CAMKMT: variants seen among roughly 807,000 people sequenced by gnomAD.
CAMKMT encodes the protein CaM KMT.
A neutral mutation model predicts 48.0 loss-of-function variants in CAMKMT; 53 were observed. That is an observed-to-expected ratio of 1.10 (90% CI 0.89 to 1.39). The LOEUF is 1.39. Among genes scored for constraint, CAMKMT ranks in the 40% most tolerant of loss-of-function variants. The probability of loss-of-function intolerance (pLI) is 0.00; values close to 1 mark genes in which losing one functional copy is unlikely to be tolerated. For synonymous variants in CAMKMT, 165 were observed against 152.3 expected (o/e 1.08, Z -0.61); for missense variants, 428 against 402.7 (o/e 1.06, Z -0.54).
chr2:44,459,520 C>T (rs1267600173), intron 3 of CAMKMT, among the ~76,000 whole-genome samples: 1 of 152,128 alleles, frequency 6.6e-6, no homozygotes, highest in Non-Finnish European at 1.5e-5. Flanking sequence ...GGTATTTAAG[C>T]AGCAAAGATG....
At chr2:44,492,444 CT>C (rs1266299394) in intron 3 of CAMKMT, among the ~76,000 whole-genome samples, 1 of 151,902 alleles carries the variant, frequency 6.6e-6, no homozygotes, top group Non-Finnish European at 1.5e-5. Context: ...CTCAAATACT[CT>C]TATTTCCAGG....
chr2:44,753,378 T>G (rs1680234542), intron 8 of CAMKMT, among the ~76,000 whole-genome samples: 1 of 139,476 alleles, frequency 7.2e-6, no homozygotes, highest in African/African-American at 2.7e-5. Flanking sequence ...AGTAACTGGA[T>G]GACAGTGCAA....
chr2:44,690,884 G>A (rs1224986940), intron 3 of CAMKMT, among the ~76,000 whole-genome samples: 1 of 151,970 alleles, frequency 6.6e-6, no homozygotes, highest in Non-Finnish European at 1.5e-5. Context: ...GCTGGGGCAC[G>A]AGAATCACTT....
chr2:44,439,221 GAC>G (rs1198975961), intron 3 of CAMKMT, among the ~76,000 whole-genome samples: 1 of 151,990 alleles, frequency 6.6e-6, no homozygotes, highest in Non-Finnish European at 1.5e-5. Context: ...CTCTCATTGG[GAC>G]ACAGTTTATT....
At chr2:44,668,367 C>T (rs1675127184) in intron 3 of CAMKMT, among the ~76,000 whole-genome samples, 1 of 152,198 alleles carries the variant, frequency 6.6e-6, no homozygotes, top group African/African-American at 2.4e-5. Flanking sequence ...CTCTCCTCGC[C>T]AGCTTAAGTA....
At chr2:44,382,968 T>C (rs1187605163) in intron 2 of CAMKMT, among the ~76,000 whole-genome samples, 1 of 152,162 alleles carries the variant, frequency 6.6e-6, no homozygotes, top group African/African-American at 2.4e-5. Context: ...TTTAGTTTCT[T>C]GCAGCTCTGG....
intron 3 of CAMKMT, among the ~76,000 whole-genome samples, chr2:44,648,369 C>T (rs1346367020): frequency 6.6e-6 from 1 of 151,864 alleles, no homozygotes; most frequent in Admixed American, 6.6e-5. Flanking sequence ...CCAATAAATG[C>T]ATGATTATTT....
intron 3 of CAMKMT, among the ~76,000 whole-genome samples, chr2:44,620,777 T>TTTAAA (rs1672140590): frequency 6.6e-6 from 1 of 152,346 alleles, no homozygotes; most frequent in South Asian, 2.1e-4. Context: ...AAAGTTAATG[T>TTTAAA]TTAATACCAT....
chr2:44,489,548 A>T (rs1438100772), intron 3 of CAMKMT, among the ~76,000 whole-genome samples: 1 of 152,096 alleles, frequency 6.6e-6, no homozygotes, highest in East Asian at 1.9e-4. Context: ...GCCTGGCCGG[A>T]ATACTTTTTA....
At chr2:44,415,580 C>G (rs539430426) in intron 3 of CAMKMT, among the ~76,000 whole-genome samples, 37 of 152,244 alleles carry the variant, frequency 2.4e-4, no homozygotes, top group Admixed American at 1.8e-3. Context: ...CTTTGCATTA[C>G]TTGTATAAAT....
intron 3 of CAMKMT, among the ~76,000 whole-genome samples, chr2:44,575,507 G>A (rs1406670383): frequency 6.6e-6 from 1 of 151,710 alleles, no homozygotes; most frequent in Non-Finnish European, 1.5e-5. Flanking sequence ...CTTTTTTTCT[G>A]TATGGCTTTA....
intron 3 of CAMKMT, among the ~76,000 whole-genome samples, chr2:44,464,629 T>C (rs887908783): frequency 6.6e-6 from 1 of 152,140 alleles, no homozygotes; most frequent in Non-Finnish European, 1.5e-5. Context: ...AAGTTATCAG[T>C]GGATTTCTAT....
intron 3 of CAMKMT, among the ~76,000 whole-genome samples, chr2:44,593,814 A>G (rs1572878771): frequency 7.7e-6 from 1 of 129,188 alleles, no homozygotes; most frequent in Non-Finnish European, 1.6e-5. Flanking sequence ...CCCAGGCTGG[A>G]GTGCAATGGC....
intron 3 of CAMKMT, among the ~76,000 whole-genome samples, chr2:44,440,949 C>T (rs1044536171): frequency 2.0e-5 from 3 of 152,102 alleles, no homozygotes; most frequent in African/African-American, 7.2e-5. Flanking sequence ...CTTAAAATGG[C>T]CTGTTTGGAA....
intron 3 of CAMKMT, among the ~76,000 whole-genome samples, chr2:44,643,379 G>T (rs1673555795): frequency 6.6e-6 from 1 of 152,256 alleles, no homozygotes; most frequent in Non-Finnish European, 1.5e-5. Flanking sequence ...TTCTTTGCAA[G>T]TATAATGAAT....
At chr2:44,670,299 G>C (rs945711580) in intron 3 of CAMKMT, among the ~76,000 whole-genome samples, 15 of 152,060 alleles carry the variant, frequency 9.9e-5, no homozygotes, top group African/African-American at 3.4e-4. Context: ...CACAGACTGG[G>C]CTGGGTGTGG....
At chr2:44,489,942 G>A (rs1391914769) in intron 3 of CAMKMT, among the ~76,000 whole-genome samples, 1 of 152,010 alleles carries the variant, frequency 6.6e-6, no homozygotes, top group Non-Finnish European at 1.5e-5. Flanking sequence ...ATATACCCAT[G>A]TAATAAACCT....
chr2:44,570,614 C>G (rs1668855171), intron 3 of CAMKMT, among the ~76,000 whole-genome samples: 1 of 152,146 alleles, frequency 6.6e-6, no homozygotes, highest in African/African-American at 2.4e-5. Flanking sequence ...CAATATAGGA[C>G]AGAAACTACT....
intron 3 of CAMKMT, among the ~76,000 whole-genome samples, chr2:44,452,351 G>C (rs1202715209): frequency 1.3e-5 from 2 of 151,986 alleles, no homozygotes; most frequent in Non-Finnish European, 2.9e-5. Flanking sequence ...TCATACTTGA[G>C]AGAGAATTTT....
Sources: gnomAD v4.1 joint callset for allele counts (sites outside exome capture counted in the v4.1 genomes callset) on GRCh38, gnomAD v4.1.1 for gene constraint, MANE v1.5 for transcripts, NCBI Gene and HGNC (gene_info 2026-07-23, HGNC 2026-07-21) for gene names.